DPP6: variants seen among roughly 807,000 people sequenced by gnomAD.
DPP6 encodes A-type potassium channel modulatory protein DPP6.
In DPP6, 69 loss-of-function variants were observed where a neutral mutation model predicts 122.6. The observed-to-expected ratio is 0.56, with a 90% CI of 0.46 to 0.69. The LOEUF (loss-of-function observed/expected upper bound fraction) is 0.69. Among genes scored for constraint, DPP6 ranks in the 30% least tolerant of loss-of-function variants. The pLI, the probability that DPP6 is intolerant of heterozygous loss-of-function variation, is 0.00. For synonymous variants in DPP6, 418 were observed against 433.1 expected, an observed-to-expected ratio of 0.97 and a Z score of 0.43; for missense variants, 928 against 1,116.9, an observed-to-expected ratio of 0.83 and a Z score of 2.41.
intron 1 of DPP6, among the ~76,000 whole-genome samples, chr7:153,955,837 G>C (rs1160774359): frequency 6.6e-6 from 1 of 152,058 alleles, no homozygotes; most frequent in Non-Finnish European, 1.5e-5. Context: ...TTTGAACTCA[G>C]TAAGTATGAT....
intron 1 of DPP6, among the ~76,000 whole-genome samples, chr7:154,108,484 C>A (rs979617383): frequency 3.3e-5 from 5 of 152,188 alleles, no homozygotes; most frequent in Non-Finnish European, 7.3e-5. Flanking sequence ...CGATGCTCTC[C>A]ACCTTATCAA....
chr7:154,463,195 C>CT (rs368362408), intron 2 of DPP6, among the ~76,000 whole-genome samples: 3,972 of 83,826 alleles, frequency 0.047, 667 homozygotes, highest in Non-Finnish European at 0.072. Flanking sequence ...TTCTCCTTTT[C>CT]TTTTTTTTTT....
At chr7:154,350,228 G>A (rs1810733845) in intron 1 of DPP6, among the ~76,000 whole-genome samples, 1 of 152,156 alleles carries the variant, frequency 6.6e-6, no homozygotes, top group Non-Finnish European at 1.5e-5. Flanking sequence ...AAGGGGAGAA[G>A]GAAGCAGGAA....
intron 1 of DPP6, among the ~76,000 whole-genome samples, chr7:154,310,441 T>C (rs1024762816): frequency 1.3e-5 from 2 of 152,192 alleles, no homozygotes; most frequent in African/African-American, 4.8e-5. Context: ...GCCCAGGCAA[T>C]TGAGAGCAAG....
intron 1 of DPP6, among the ~76,000 whole-genome samples, chr7:154,316,720 G>A (rs1218327762): frequency 3.3e-5 from 5 of 152,334 alleles, no homozygotes; most frequent in African/African-American, 1.2e-4. Context: ...ATGAGTCATT[G>A]TAGGTTCAGG....
intron 1 of DPP6, chr7:154,058,424 G>C (rs528350188): frequency 6.8e-6 from 1 of 146,376 alleles, no homozygotes; most frequent in African/African-American, 2.5e-5. Flanking sequence ...CGCGAGGGTG[G>C]GGACTGAGAG....
At chr7:153,973,675 G>GTGTCTC (rs61194333) in intron 1 of DPP6, among the ~76,000 whole-genome samples, 1 of 132,982 alleles carries the variant, frequency 7.5e-6, no homozygotes, top group African/African-American at 2.7e-5. Context: ...GTGTGTGTGT[G>GTGTCTC]TCTAATGGTA....
intron 7 of DPP6, among the ~76,000 whole-genome samples, chr7:154,718,335 C>G (rs2131331650): frequency 6.6e-6 from 1 of 152,276 alleles, no homozygotes; most frequent in East Asian, 1.9e-4. Context: ...AGACTAATGA[C>G]ACGAAGTATT....
At chr7:153,947,034 G>A (rs1049184690) in intron 1 of DPP6, among the ~76,000 whole-genome samples, 4 of 152,138 alleles carry the variant, frequency 2.6e-5, no homozygotes, top group African/African-American at 4.8e-5. Context: ...TGAGGCCACC[G>A]GGGATGATTC....
At chr7:154,808,371 G>T (rs11976333) in intron 16 of DPP6, among the ~76,000 whole-genome samples, 193 of 152,272 alleles carry the variant, frequency 1.3e-3, no homozygotes, top group African/African-American at 4.4e-3. Flanking sequence ...AGACAGCAAG[G>T]AGACCACGGA....
At chr7:153,932,312 G>A (rs1457451412) in intron 1 of DPP6, among the ~76,000 whole-genome samples, 1 of 151,900 alleles carries the variant, frequency 6.6e-6, no homozygotes, top group African/African-American at 2.4e-5. Context: ...GTAGACACGG[G>A]GTTTCACCAT....
intron 5 of DPP6, among the ~76,000 whole-genome samples, chr7:154,582,052 TG>T (rs565827305): frequency 7.2e-5 from 11 of 152,308 alleles, no homozygotes; most frequent in African/African-American, 2.6e-4. Context: ...GCCCTCTCGG[TG>T]CCCTGCTCAC....
At chr7:153,811,735 T>G in the DPP6 span, among the ~76,000 whole-genome samples, 1 of 152,192 alleles carries the variant, frequency 6.6e-6, no homozygotes, top group Non-Finnish European at 1.5e-5. Flanking sequence ...GTAAACGTTG[T>G]GTGTTTTGCT....
At chr7:153,861,184 G>A in the DPP6 span, among the ~76,000 whole-genome samples, 524 of 152,096 alleles carry the variant, frequency 3.4e-3, 2 homozygotes, top group African/African-American at 0.012. Context: ...TAAATTTAAG[G>A]CAACGGGTTT....
intron 1 of DPP6, among the ~76,000 whole-genome samples, chr7:154,196,065 T>C (rs1320778656): frequency 6.6e-6 from 1 of 152,246 alleles, no homozygotes. Flanking sequence ...AATATCATTT[T>C]CGCTCCATCG....
intron 1 of DPP6, among the ~76,000 whole-genome samples, chr7:154,221,087 TTTAA>T (rs1373937967): frequency 6.6e-6 from 1 of 152,174 alleles, no homozygotes; most frequent in Non-Finnish European, 1.5e-5. Flanking sequence ...ACCCTCGTTA[TTTAA>T]TTACCCACTA....
At chr7:154,245,118 T>G (rs1179065707) in intron 1 of DPP6, among the ~76,000 whole-genome samples, 1 of 151,404 alleles carries the variant, frequency 6.6e-6, no homozygotes, top group African/African-American at 2.4e-5. Flanking sequence ...GCCCAGCTAA[T>G]TTTTGTATTT....
chr7:154,379,501 A>G (rs1227389290), intron 1 of DPP6, among the ~76,000 whole-genome samples: 1 of 152,188 alleles, frequency 6.6e-6, no homozygotes, highest in Non-Finnish European at 1.5e-5. Context: ...AGAACTTAAA[A>G]GTATAATAAT....
chr7:154,674,068 G>A (rs1028897004), intron 7 of DPP6, among the ~76,000 whole-genome samples: 2 of 151,994 alleles, frequency 1.3e-5, no homozygotes, highest in Admixed American at 6.6e-5. Context: ...CAGAGATGGG[G>A]TTTCACCGTT....
Sources: allele counts gnomAD v4.1 joint callset (sites outside exome capture counted in the v4.1 genomes callset), GRCh38; gene constraint gnomAD v4.1.1; transcripts MANE v1.5; gene names NCBI Gene and HGNC (gene_info 2026-07-23, HGNC 2026-07-21).